Variants in PLXND1 observed in about 807,000 individuals in gnomAD.
PLXND1 encodes plexin-D1.
PLXND1 carries 54 observed loss-of-function variants against 197.7 expected under a neutral mutation model. The ratio of observed to expected loss-of-function variants is 0.27; its 90% CI spans 0.22 to 0.34. PLXND1 has a LOEUF of 0.34. Among genes scored for constraint, PLXND1 ranks in the 10% least tolerant of loss-of-function variants. The pLI, the probability that PLXND1 is intolerant of heterozygous loss-of-function variation, is 1.00. For synonymous variants in PLXND1, 1,180 were observed against 1,161.2 expected, an observed-to-expected ratio of 1.02 and a Z score of -0.33; for missense variants, 2,127 against 2,699.2, an observed-to-expected ratio of 0.79 and a Z score of 4.70.
rs1417005622 is a variant in PLXND1 at position 129,566,031 on chromosome 3, T to G, written c.4192-14A>C. 6.2e-7 allele frequency: 1 copy of G among 1,613,884 alleles called. No individual in the cohort carries two copies. Among genetic ancestry groups the G allele is most frequent in the Non-Finnish European group, 8.5e-7 (1 of 1,179,936 alleles). ...GCTCTCAGGAATCTGTGGAAGCAAC[T>G]GGTGATGGGGTGTCCAGAGGGGCCC... On this transcript the variant is annotated splice_polypyrimidine_tract_variant and intron_variant, in intron 23 of 35. Coordinates refer to ENST00000324093, the MANE Select transcript of PLXND1 (RefSeq NM_015103.3).
chr3:129,596,480 G>C (rs569203487), intron 1 of PLXND1, among the ~76,000 whole-genome samples: 1 of 152,206 alleles, frequency 6.6e-6, no homozygotes, highest in East Asian at 1.9e-4. Flanking sequence ...CTCCCCCTGG[G>C]TCCCAGAGGA....
At chr3:129,565,748 G>A (rs1006536181) in intron 24 of PLXND1, 139 bp downstream of exon 24, 196 of 994,326 alleles carry the variant, frequency 2.0e-4, no homozygotes, top group South Asian at 1.0e-3. Flanking sequence ...GTGAGCCAAG[G>A]TCTTGGGCAT....
At chr3:129,589,843 C>T (rs924868437) in intron 1 of PLXND1, among the ~76,000 whole-genome samples, 4 of 152,056 alleles carry the variant, frequency 2.6e-5, no homozygotes, top group Non-Finnish European at 5.9e-5. Context: ...GAGAGCTACA[C>T]CCGCACCCCC....
rs775238537 is a variant in PLXND1, at chr3:129,570,822, C to G, written c.3714G>C (p.Glu1238Asp). The change falls in exon 19 of 36, where the codon GAG (glutamate) becomes GAC (aspartate). Residue 1238 changes from glutamate (E) to aspartate (D), a missense_variant. Physicochemically the swap from Glu to Asp is conservative, Grantham distance 45. Transcript: ENST00000324093. Reference sequence around the variant, plus strand: ...GCTGCCCCACGGCCGCGCCCAGGGACTCGTTGACCGAGCAGTGGATGATTC... The same window carrying G: ...GCTGCCCCACGGCCGCGCCCAGGGAGTCGTTGACCGAGCAGTGGATGATTC... ...SDRIIHCSVN[E>D]SLGAAVGQLP... 31 of 1,614,106 alleles carry G rather than the reference C, an allele frequency of 1.9e-5. No individual in the cohort carries two copies. Among genetic ancestry groups the G allele is most frequent in the African/African-American group, 4.0e-5 (3 of 74,942 alleles).
At position 129,605,548 on chromosome 3, in the gene PLXND1, G is replaced by C. The variant is rs1277735896; in HGVS notation, c.1092C>G (p.Ala364=). The C allele has an allele frequency of 2.0e-6, 3 of 1,530,742 alleles. No homozygotes were observed. Among genetic ancestry groups the C allele is most frequent in the Admixed American group, 2.0e-5 (1 of 50,100 alleles). 94.8% of individuals were successfully genotyped at this position (1,530,742 alleles called of 1,614,324 possible). Residue 364 remains alanine (A), a synonymous_variant, in exon 1 of 36, where the codon GCC becomes GCG. Coordinates refer to ENST00000324093, the MANE Select transcript of PLXND1 (RefSeq NM_015103.3). ...CGAAGACAGCAAAGAGCCGCTCCCG[G>C]GCTGGGAAGACCGACACCAGGCGGC... ...LYSRLVSVFP[A]RERLFAVFER... is the part of the protein sequence containing the mutation.
rs758339726 is a variant in PLXND1, at chr3:129,563,096, G to A, written c.4666C>T (p.Arg1556Trp). The A allele has an allele frequency of 3.7e-6, 6 of 1,613,404 alleles. No homozygotes were observed. Among genetic ancestry groups the A allele is most frequent in the African/African-American group, 2.7e-5 (2 of 74,938 alleles). ...LLRENIEAKPRNLNVSFQGCG... is the reference protein window; with the variant it reads ...LLRENIEAKPWNLNVSFQGCG... ...CCCTCCCCGCCCTGCCGACTTACCC[G>A]GGGCTTGGCCTCGATGTTCTCCCGC... The change falls in exon 26 of 36, where the codon CGG (arginine) becomes TGG (tryptophan). Residue 1556 changes from arginine to tryptophan, a missense_variant and splice_region_variant. By Grantham distance (101) the Arg-to-Trp change is moderately radical. Coordinates refer to ENST00000324093, the MANE Select transcript of PLXND1 (RefSeq NM_015103.3).
At chr3:129,588,357 C>T (rs1314589385) in intron 2 of PLXND1, among the ~76,000 whole-genome samples, 8 of 139,976 alleles carry the variant, frequency 5.7e-5, no homozygotes, top group African/African-American at 1.1e-4. Context: ...TCATGGGTGT[C>T]GGGGGTGGGG....
At chr3:129,590,909 C>T (rs1266614170) in intron 1 of PLXND1, among the ~76,000 whole-genome samples, 2 of 152,220 alleles carry the variant, frequency 1.3e-5, no homozygotes, top group East Asian at 3.9e-4. Context: ...CGGAAGGCAG[C>T]ATTGGAACCA....
At chr3:129,575,124 C>T (rs948504068) in intron 11 of PLXND1, among the ~76,000 whole-genome samples, 1 of 152,186 alleles carries the variant, frequency 6.6e-6, no homozygotes, top group African/African-American at 2.4e-5. Flanking sequence ...ACAGCAACTG[C>T]ACAGCTGCCA....
chr3:129,595,764 A>T (rs2085611381), intron 1 of PLXND1, among the ~76,000 whole-genome samples: 1 of 152,144 alleles, frequency 6.6e-6, no homozygotes, highest in Admixed American at 6.5e-5. Flanking sequence ...CCTGAGGGCC[A>T]ACACACAGAC....
At chr3:129,590,062 G>T (rs549073138) in intron 1 of PLXND1, among the ~76,000 whole-genome samples, 29 of 152,248 alleles carry the variant, frequency 1.9e-4, no homozygotes, top group African/African-American at 7.0e-4. Context: ...TCTGACCCTA[G>T]GACCACCACC....
chr3:129,602,313 C>T (rs2085720438), intron 1 of PLXND1, among the ~76,000 whole-genome samples: 1 of 152,116 alleles, frequency 6.6e-6, no homozygotes, highest in South Asian at 2.1e-4. Flanking sequence ...CATGTGCTTC[C>T]CACTCTACTC....
At chr3:129,568,859 GTT>G (rs1209195517) in intron 20 of PLXND1, among the ~76,000 whole-genome samples, 4 of 152,122 alleles carry the variant, frequency 2.6e-5, no homozygotes, top group African/African-American at 9.7e-5. Flanking sequence ...TAATTCAATG[GTT>G]TCTAGTATAT....
At chr3:129,573,770 C>G in intron 12 of PLXND1, 25 bp from the exon 13 acceptor site, 1 of 1,608,314 alleles carries the variant, frequency 6.2e-7, no homozygotes, top group Non-Finnish European at 8.5e-7. Flanking sequence ...GAGAGAGGGG[C>G]GAATGGGATC....
Position 129,567,587 on chromosome 3 carries a change from T to C in PLXND1, c.3991A>G (p.Thr1331Ala), listed in dbSNP as rs759471877. 4 of 1,611,524 alleles carry C rather than the reference T, an allele frequency of 2.5e-6. No homozygotes were observed. The highest frequency in any genetic ancestry group is 3.4e-6 in the Non-Finnish European group (4 of 1,178,372). Residue 1331 changes from threonine (T) to alanine (A), a missense_variant, in exon 22 of 36, where the codon ACA becomes GCA. Coordinates refer to ENST00000324093, the MANE Select transcript of PLXND1 (RefSeq NM_015103.3). ...EIRKGFAELQ[T>A]DMTDLTKELN... ...TCCTTGGTGAGATCTGTCATGTCTG[T>C]CTGCAGCTCAGCGAAGCCTGGCGGA... is the stretch of plus-strand genomic sequence containing the variant.
intron 1 of PLXND1, among the ~76,000 whole-genome samples, chr3:129,590,713 G>A (rs1452271415): frequency 1.3e-5 from 2 of 152,252 alleles, no homozygotes. Flanking sequence ...CCAGGCCAGT[G>A]CACTGACTCC....
In PLXND1 at chr3:129,589,338, C is replaced by A; in HGVS notation, c.1488+13G>T. 1.3e-6 allele frequency: 2 copies of A among 1,572,308 alleles called. No individual in the cohort carries two copies. Among genetic ancestry groups the A allele is most frequent in the East Asian group, 2.4e-5 (1 of 42,488 alleles). On this transcript the variant is annotated intron_variant, in intron 2 of 35. Transcript: ENST00000324093. Reference sequence around the variant, plus strand: ...CACCCCCACCCCCTCCCCACATCCCCAACCATACCTACCTTGAGAAGCCTC... The same window carrying A: ...CACCCCCACCCCCTCCCCACATCCCAAACCATACCTACCTTGAGAAGCCTC...
chr3:129,586,599 T>C lies in PLXND1; in HGVS notation c.1609A>G (p.Thr537Ala). 1 of 1,569,538 alleles carries C rather than the reference T, an allele frequency of 6.4e-7. No homozygotes were observed. Among genetic ancestry groups the C allele is most frequent in the Non-Finnish European group, 8.6e-7 (1 of 1,156,656 alleles). Residue 537 changes from threonine (T) to alanine (A), a missense_variant, in exon 3 of 36, where the codon ACG becomes GCG. Transcript: ENST00000324093. Reference sequence around the variant, plus strand: ...GGCTCTGGCCTCACCTGGTGGGACGTCATCAGGTAAAGGTAACCGGAGTCT... The same window carrying C: ...GGCTCTGGCCTCACCTGGTGGGACGCCATCAGGTAAAGGTAACCGGAGTCT... ...PADSGYLYLM[T>A]SHQMARVKVA...
intron 8 of PLXND1, among the ~76,000 whole-genome samples, chr3:129,580,470 G>A (rs965208962): frequency 6.6e-6 from 1 of 152,164 alleles, no homozygotes; most frequent in African/African-American, 2.4e-5. Flanking sequence ...CCACTGCCAG[G>A]TCTGCTTTGC....
Sources: allele counts gnomAD v4.1 joint callset (sites outside exome capture counted in the v4.1 genomes callset), GRCh38; gene constraint gnomAD v4.1.1; transcripts MANE v1.5; gene names NCBI Gene and HGNC (gene_info 2026-07-23, HGNC 2026-07-21).